Variants in CCSER1 observed in about 807,000 individuals in gnomAD.
CCSER1 encodes the protein coiled-coil serine rich protein 1.
CCSER1 carries 41 observed loss-of-function variants against 82.0 expected under a neutral mutation model. The observed-to-expected ratio is 0.50, with a 90% CI of 0.39 to 0.65. The LOEUF is 0.65. Ranked by LOEUF, CCSER1 falls within the 30% of genes least tolerant of loss-of-function variation. CCSER1 has a pLI of 0.00. For missense variants in CCSER1, 1,119 were observed against 1,064.2 expected (o/e 1.05, Z -0.72); for synonymous variants, 414 against 383.9 (o/e 1.08, Z -0.92).
intron 1 of CCSER1, among the ~76,000 whole-genome samples, chr4:90,278,989 A>G (rs144277799): frequency 9.2e-5 from 14 of 152,224 alleles, no homozygotes; most frequent in Non-Finnish European, 1.8e-4. Flanking sequence ...AGTCCAGGTT[A>G]TGGTGGAAAA....
At chr4:90,326,355 CAGCCGATAACTTTTTGTTTTAAACT>C (rs1357637007) in intron 3 of CCSER1, among the ~76,000 whole-genome samples, 2 of 152,210 alleles carry the variant, frequency 1.3e-5, no homozygotes, top group East Asian at 3.9e-4. Flanking sequence ...CCACCGTGCC[CAGCCGATAACTTTTTGTTTTAAACT>C]AGCCGTTTCT....
chr4:91,490,929 A>T lies in CCSER1; in HGVS notation c.2218-107643A>T, dbSNP rs1022702089. 7.1e-4 allele frequency among the ~76,000 whole-genome samples: 34 copies of T among 47,998 alleles called. 1 individual carries two copies. The highest frequency in any genetic ancestry group is 3.2e-3 in the East Asian group (4 of 1,266). The allele number at this position is 47,998 out of a possible 152,430, so 31.5% of individuals were successfully genotyped here. A position where few individuals can be genotyped will look rare whatever the true frequency, so the allele number is the denominator to read the frequency against. ...ATATATATATATATATATATATATAAAATATGCGTCTACTATGTACCCATA... is the reference window on the plus strand; with the variant it reads ...ATATATATATATATATATATATATATAATATGCGTCTACTATGTACCCATA... On this transcript the variant is annotated intron_variant, in intron 10 of 10. Transcript: ENST00000509176.
chr4:91,375,408 C>A (rs1554850), intron 10 of CCSER1, among the ~76,000 whole-genome samples: 106,935 of 152,054 alleles, frequency 0.7, 37,706 homozygotes, highest in East Asian at 0.86. Context: ...ATCGGTTCCA[C>A]TTTTGAAAGA....
chr4:90,427,733 T>C (rs1757719878), intron 4 of CCSER1, among the ~76,000 whole-genome samples: 1 of 151,594 alleles, frequency 6.6e-6, no homozygotes, highest in South Asian at 2.1e-4. Flanking sequence ...ATTCCACGTG[T>C]ATTTTAAATT....
At chr4:90,704,320 G>A (rs555540675) in intron 6 of CCSER1, among the ~76,000 whole-genome samples, 167 of 152,304 alleles carry the variant, frequency 1.1e-3, no homozygotes, top group African/African-American at 4.0e-3. Flanking sequence ...CTTCTGGCAT[G>A]TAGAGTTTCT....
chr4:90,782,042 T>C, intron 7 of CCSER1: 1 of 745,174 alleles, frequency 1.3e-6, no homozygotes, highest in Non-Finnish European at 1.6e-6. Context: ...TGAAAGGCAG[T>C]AAAATTATTT....
At chr4:90,744,887 G>T (rs925449663) in intron 7 of CCSER1, among the ~76,000 whole-genome samples, 1 of 151,896 alleles carries the variant, frequency 6.6e-6, no homozygotes, top group African/African-American at 2.4e-5. Flanking sequence ...CCAATTGTTG[G>T]TGCCAAAAAG....
intron 7 of CCSER1, among the ~76,000 whole-genome samples, chr4:90,814,978 C>G (rs534297507): frequency 6.6e-6 from 1 of 152,270 alleles, no homozygotes; most frequent in Admixed American, 6.5e-5. Flanking sequence ...AGCAGTGCCC[C>G]ACTCCAATCA....
chr4:91,543,973 C>T (rs1484964958), intron 10 of CCSER1, among the ~76,000 whole-genome samples: 5 of 152,114 alleles, frequency 3.3e-5, no homozygotes, highest in African/African-American at 4.8e-5. Flanking sequence ...CACATAGTCC[C>T]ATATTTCTTG....
intron 1 of CCSER1, among the ~76,000 whole-genome samples, chr4:90,274,472 A>G (rs1041011897): frequency 2.0e-4 from 31 of 152,182 alleles, no homozygotes; most frequent in Admixed American, 5.9e-4. Context: ...AAACTATGTC[A>G]TGGAAAGGTA....
chr4:90,542,096 C>T (rs1235410524), intron 5 of CCSER1, among the ~76,000 whole-genome samples: 1 of 151,884 alleles, frequency 6.6e-6, no homozygotes, highest in African/African-American at 2.4e-5. Context: ...GATTTTATAA[C>T]AATTTGTTTG....
chr4:90,288,935 G>A (rs62312865), intron 1 of CCSER1, among the ~76,000 whole-genome samples: 2 of 151,896 alleles, frequency 1.3e-5, no homozygotes, highest in Non-Finnish European at 2.9e-5. Flanking sequence ...TACTCAGGGA[G>A]TCTTTTGAGG....
At chr4:91,532,871 T>TAAA (rs200914112) in intron 10 of CCSER1, among the ~76,000 whole-genome samples, 1 of 138,158 alleles carries the variant, frequency 7.2e-6, no homozygotes, top group Non-Finnish European at 1.6e-5. Context: ...CCCTGTCTCA[T>TAAA]AAAAAAAAAA....
chr4:91,113,916 G>A (rs1353237098), intron 10 of CCSER1, among the ~76,000 whole-genome samples: 1 of 151,396 alleles, frequency 6.6e-6, no homozygotes, highest in African/African-American at 2.4e-5. Flanking sequence ...GCAGTGGCGC[G>A]ATCTCGGCTC....
chr4:91,482,408 C>CAA (rs537828832), intron 10 of CCSER1, among the ~76,000 whole-genome samples: 792 of 69,588 alleles, frequency 0.011, 24 homozygotes, highest in African/African-American at 0.028. Context: ...GACTCCGTCT[C>CAA]AAAAAAAAAA....
intron 1 of CCSER1, among the ~76,000 whole-genome samples, chr4:90,155,029 C>T (rs1727775506): frequency 6.6e-6 from 1 of 152,118 alleles, no homozygotes; most frequent in Admixed American, 6.5e-5. Flanking sequence ...TCATAGATAG[C>T]TCTTATTATT....
chr4:90,990,079 C>T (rs1047392088), intron 9 of CCSER1, among the ~76,000 whole-genome samples: 8 of 151,756 alleles, frequency 5.3e-5, no homozygotes, highest in African/African-American at 1.7e-4. Context: ...GAAGTGGGTC[C>T]TTATTTGCCA....
intron 10 of CCSER1, among the ~76,000 whole-genome samples, chr4:91,345,983 A>G (rs1748026557): frequency 6.6e-6 from 1 of 151,864 alleles, no homozygotes; most frequent in Non-Finnish European, 1.5e-5. Context: ...AGCAATATGC[A>G]TTTAAGATAC....
chr4:91,459,362 T>C (rs1000443098), intron 10 of CCSER1, among the ~76,000 whole-genome samples: 2 of 152,102 alleles, frequency 1.3e-5, no homozygotes, highest in African/African-American at 4.8e-5. Context: ...TATATATATA[T>C]GTATATAGGC....
Sources: gnomAD v4.1 joint callset for allele counts (sites outside exome capture counted in the v4.1 genomes callset) on GRCh38, gnomAD v4.1.1 for gene constraint, MANE v1.5 for transcripts, NCBI Gene and HGNC (gene_info 2026-07-23, HGNC 2026-07-21) for gene names.